Variants in DPP10 observed in about 807,000 individuals in gnomAD.
DPP10 encodes the protein inactive dipeptidyl peptidase 10.
DPP10 carries 33 observed loss-of-function variants against 120.9 expected under a neutral mutation model. That is an observed-to-expected ratio of 0.27 (90% CI 0.21 to 0.37). The LOEUF is 0.37. DPP10 is among the 10% of genes least tolerant of loss of function. The pLI, the probability that DPP10 is intolerant of heterozygous loss-of-function variation, is 1.00. For missense variants in DPP10, 816 were observed against 942.8 expected, an observed-to-expected ratio of 0.87 and a Z score of 1.76; for synonymous variants, 337 against 326.1, an observed-to-expected ratio of 1.03 and a Z score of -0.36.
intron 1 of DPP10, among the ~76,000 whole-genome samples, chr2:115,264,694 T>C (rs1035897044): frequency 6.6e-6 from 1 of 152,204 alleles, no homozygotes; most frequent in African/African-American, 2.4e-5. Context: ...ATTCAAAATA[T>C]AGCTTGAGAA....
At chr2:115,374,644 C>A (rs1404297357) in intron 3 of DPP10, among the ~76,000 whole-genome samples, 2 of 152,246 alleles carry the variant, frequency 1.3e-5, no homozygotes, top group African/African-American at 4.8e-5. Flanking sequence ...ATACTTCTGC[C>A]TGGACATCCA....
intron 19 of DPP10, among the ~76,000 whole-genome samples, chr2:115,813,148 A>T (rs1686844192): frequency 6.6e-6 from 1 of 151,066 alleles, no homozygotes; most frequent in Non-Finnish European, 1.5e-5. Context: ...CGCCCGGCTA[A>T]TTTTTTGTAT....
intron 1 of DPP10, among the ~76,000 whole-genome samples, chr2:114,881,489 A>ATCTATCTATCTATCTG (rs1190583091): frequency 4.0e-5 from 4 of 100,222 alleles, no homozygotes; most frequent in African/African-American, 1.8e-4. Context: ...CTATCTATCT[A>ATCTATCTATCTATCTG]TCATATCTCT....
intron 1 of DPP10, among the ~76,000 whole-genome samples, chr2:114,768,035 C>T (rs545257137): frequency 1.3e-5 from 2 of 148,926 alleles, no homozygotes; most frequent in Non-Finnish European, 3.0e-5. Flanking sequence ...GGCTGAAGCA[C>T]AGGAATCTCT....
At chr2:115,166,786 GAAACA>G (rs2052910675) in intron 1 of DPP10, among the ~76,000 whole-genome samples, 1 of 151,744 alleles carries the variant, frequency 6.6e-6, no homozygotes, top group Non-Finnish European at 1.5e-5. Flanking sequence ...CATTACATTG[GAAACA>G]AAACAACCAA....
intron 5 of DPP10, among the ~76,000 whole-genome samples, chr2:115,684,033 A>C (rs963875405): frequency 1.3e-5 from 2 of 151,924 alleles, no homozygotes; most frequent in African/African-American, 2.4e-5. Flanking sequence ...TTAAGGTTAT[A>C]AATCTATCCA....
chr2:115,837,214 A>G (rs1689628836), intron 24 of DPP10, among the ~76,000 whole-genome samples: 1 of 152,210 alleles, frequency 6.6e-6, no homozygotes, highest in African/African-American at 2.4e-5. Flanking sequence ...ACCCGCTTAA[A>G]TGAACTTAAA....
At chr2:114,936,338 G>C (rs1371389511) in intron 1 of DPP10, among the ~76,000 whole-genome samples, 2 of 151,702 alleles carry the variant, frequency 1.3e-5, no homozygotes, top group East Asian at 3.9e-4. Flanking sequence ...TTATGGCTAA[G>C]TAGTGTTCGA....
chr2:114,512,502 G>A (rs574402774), intron 1 of DPP10, among the ~76,000 whole-genome samples: 28 of 152,258 alleles, frequency 1.8e-4, no homozygotes, highest in African/African-American at 6.0e-4. Flanking sequence ...TGCACAACTT[G>A]GAGGTCTCGA....
intron 1 of DPP10, among the ~76,000 whole-genome samples, chr2:114,909,715 T>A (rs1350705640): frequency 2.0e-5 from 3 of 152,042 alleles, no homozygotes; most frequent in Non-Finnish European, 4.4e-5. Flanking sequence ...AGAAAACAAC[T>A]GAAGTCAATT....
chr2:114,505,810 C>G (rs1216943074), intron 1 of DPP10, among the ~76,000 whole-genome samples: 1 of 152,188 alleles, frequency 6.6e-6, no homozygotes, highest in Non-Finnish European at 1.5e-5. Context: ...CTGCTTTCCT[C>G]TATCTATGAA....
chr2:115,170,300 A>C (rs145609198), intron 1 of DPP10, among the ~76,000 whole-genome samples: 43 of 152,330 alleles, frequency 2.8e-4, no homozygotes, highest in Non-Finnish European at 5.0e-4. Flanking sequence ...GAAGTCTTTC[A>C]TAAAGCAATC....
chr2:115,577,921 T>C (rs2149114559), intron 5 of DPP10, among the ~76,000 whole-genome samples: 1 of 152,364 alleles, frequency 6.6e-6, no homozygotes, highest in East Asian at 1.9e-4. Flanking sequence ...CTGTTAGGAC[T>C]TCAGCATACA....
At chr2:114,525,119 G>A (rs1685393143) in intron 1 of DPP10, among the ~76,000 whole-genome samples, 1 of 152,104 alleles carries the variant, frequency 6.6e-6, no homozygotes, top group South Asian at 2.1e-4. Flanking sequence ...CACTTTCTAA[G>A]CCTCCAGAAA....
At chr2:115,439,678 G>A (rs1173560598) in intron 3 of DPP10, among the ~76,000 whole-genome samples, 1 of 152,124 alleles carries the variant, frequency 6.6e-6, no homozygotes, top group Non-Finnish European at 1.5e-5. Context: ...CTCCTATGTG[G>A]CAGTGGTTAG....
At chr2:115,278,018 G>T (rs1346923819) in intron 1 of DPP10, among the ~76,000 whole-genome samples, 1 of 152,188 alleles carries the variant, frequency 6.6e-6, no homozygotes, top group African/African-American at 2.4e-5. Context: ...GTGCTGTGCA[G>T]TTTGATAAGG....
chr2:115,684,323 G>A (rs981821011), intron 5 of DPP10, among the ~76,000 whole-genome samples: 1 of 151,784 alleles, frequency 6.6e-6, no homozygotes, highest in Non-Finnish European at 1.5e-5. Context: ...GTTCGTAACT[G>A]TGTGAAGAAG....
At chr2:114,964,588 G>A (rs1698871217) in intron 1 of DPP10, among the ~76,000 whole-genome samples, 2 of 151,984 alleles carry the variant, frequency 1.3e-5, no homozygotes, top group South Asian at 4.2e-4. Flanking sequence ...TCCAAGCAGA[G>A]GGAAGAGCAA....
chr2:115,294,569 A>G (rs1347423019), intron 1 of DPP10, among the ~76,000 whole-genome samples: 1 of 152,004 alleles, frequency 6.6e-6, no homozygotes, highest in Non-Finnish European at 1.5e-5. Context: ...TCTTCTTTGA[A>G]AAAGAGTTCT....
Sources: allele counts gnomAD v4.1 joint callset (sites outside exome capture counted in the v4.1 genomes callset), GRCh38; gene constraint gnomAD v4.1.1; transcripts MANE v1.5; gene names NCBI Gene and HGNC (gene_info 2026-07-23, HGNC 2026-07-21).